The following DNAH5 variants were observed in gnomAD, a reference collection of about 807,000 sequenced individuals.
DNAH5 encodes dynein axonemal heavy chain 5.
Under a neutral mutation model 518.2 loss-of-function variants are expected in DNAH5, and 372 were observed. The observed-to-expected ratio is 0.72, with a 90% CI of 0.66 to 0.78. The LOEUF (loss-of-function observed/expected upper bound fraction) is 0.78. DNAH5 is among the 30% of genes least tolerant of loss of function. The pLI is 0.00. For synonymous variants in DNAH5, 2,039 were observed against 2,025.9 expected, an observed-to-expected ratio of 1.01 and a Z score of -0.17; for missense variants, 5,523 against 5,687.0, an observed-to-expected ratio of 0.97 and a Z score of 0.93.
intron 56 of DNAH5, 35 bp downstream of exon 56, chr5:13,770,714 T>C: frequency 6.3e-7 from 1 of 1,593,326 alleles, no homozygotes; most frequent in South Asian, 1.1e-5. Flanking sequence ...GAGCCACGGC[T>C]TTAATATAGC....
chr5:13,846,591 C>T (rs1346057476), intron 31 of DNAH5, among the ~76,000 whole-genome samples: 2 of 152,014 alleles, frequency 1.3e-5, no homozygotes, highest in Non-Finnish European at 2.9e-5. Context: ...CAAAGGAGGG[C>T]ACTCATTGAG....
At chr5:13,817,239 T>C (rs982862576) in intron 42 of DNAH5, among the ~76,000 whole-genome samples, 3 of 152,264 alleles carry the variant, frequency 2.0e-5, no homozygotes, top group African/African-American at 7.2e-5. Context: ...AAAATAGTTA[T>C]GGTAAAATCA....
chr5:13,769,484 T>C lies in DNAH5; in HGVS notation c.9720+17A>G, dbSNP rs748846414. ...GAATTCAAAAGGAATGTGGCACATGTGTAAATGCCCACCCACCATGTCGGC... is the reference window on the plus strand; with the variant it reads ...GAATTCAAAAGGAATGTGGCACATGCGTAAATGCCCACCCACCATGTCGGC... On this transcript the variant is annotated intron_variant, in intron 57 of 78. Transcript: ENST00000265104. The C allele has an allele frequency of 3.7e-6, 6 of 1,600,760 alleles. No homozygotes were observed. Among genetic ancestry groups the C allele is most frequent in the Non-Finnish European group, 2.6e-6 (3 of 1,167,792 alleles).
At position 13,885,180 on chromosome 5, in the gene DNAH5, G is replaced by A; in HGVS notation, c.2792C>T (p.Ala931Val). 6.2e-7 allele frequency: 1 copy of A among 1,614,118 alleles called. No homozygotes were observed. Among genetic ancestry groups the A allele is most frequent in the Non-Finnish European group, 8.5e-7 (1 of 1,179,970 alleles). Residue 931 changes from alanine to valine, a missense_variant, in exon 19 of 79, where the codon GCC (alanine) becomes GTC (valine). Physicochemically the swap from Ala to Val is moderately conservative, Grantham distance 64. This residue lies in a region of DNAH5 where 5,121 missense variants were observed against 5,223.3 expected (regional missense o/e 0.98). Coordinates refer to ENST00000265104, the MANE Select transcript of DNAH5 (RefSeq NM_001369.3). Reference sequence around the variant, plus strand: ...CGTCAAAAGCAGGGCATTGGCCCTGGCATTAATAGATGATGTCAAGGTGTC... The same window carrying A: ...CGTCAAAAGCAGGGCATTGGCCCTGACATTAATAGATGATGTCAAGGTGTC... ...NFDTLTSSIN[A>V]RANALLLTTV... is the part of the protein sequence containing the mutation.
chr5:13,864,392 T>G lies in DNAH5; in HGVS notation c.4596+5A>C, dbSNP rs182677317. The G allele has an allele frequency of 1.8e-4, 294 of 1,613,738 alleles. No homozygotes were observed. In the East Asian group the frequency reaches 5.9e-3, roughly 33 times the overall value. On this transcript the variant is annotated splice_donor_5th_base_variant and intron_variant, in intron 28 of 78. Coordinates refer to ENST00000265104, the MANE Select transcript of DNAH5 (RefSeq NM_001369.3). Reference sequence around the variant, plus strand: ...CTTGCAATCTTCCATCACATCATACTCTACCTCTATTTCCTCTTTATATTT... The same window carrying G: ...CTTGCAATCTTCCATCACATCATACGCTACCTCTATTTCCTCTTTATATTT...
chr5:13,996,490 T>C (rs747706376), intron 1 of DNAH5, among the ~76,000 whole-genome samples: 1 of 152,196 alleles, frequency 6.6e-6, no homozygotes. Context: ...TGTGAACCTA[T>C]GAAATCAAGG....
chr5:13,698,284 C>CATGCATGTGT (rs552281614), intron 78 of DNAH5, among the ~76,000 whole-genome samples: 111 of 152,278 alleles, frequency 7.3e-4, no homozygotes, highest in African/African-American at 2.6e-3. Flanking sequence ...ACTAAGACAC[C>CATGCATGTGT]ATGCATGTGT....
At chr5:13,973,027 T>A (rs1433801791) in intron 1 of DNAH5, among the ~76,000 whole-genome samples, 1 of 152,314 alleles carries the variant, frequency 6.6e-6, no homozygotes, top group Non-Finnish European at 1.5e-5. Flanking sequence ...AACAGGGGCT[T>A]AGCAGATGTG....
At chr5:13,736,312 C>T (rs1237323206) in intron 66 of DNAH5, among the ~76,000 whole-genome samples, 3 of 152,168 alleles carry the variant, frequency 2.0e-5, no homozygotes, top group Middle Eastern at 3.2e-3. Flanking sequence ...AGAAGCCATG[C>T]CTAACCTGGG....
Position 13,855,490 on chromosome 5 carries a change from G to A in DNAH5, c.4950+3962C>T, listed in dbSNP as rs1215954084. ...CCCAAAGTGCTGGGATTACAGGCGT[G>A]AGCCACCGCGCCCGGCCATAAATCT... is the stretch of plus-strand genomic sequence containing the variant. On this transcript the variant is annotated intron_variant, in intron 30 of 78. Transcript: ENST00000265104. Among the ~76,000 whole-genome samples, 3 of 48,228 alleles carry A rather than the reference G, an allele frequency of 6.2e-5. 1 individual carries two copies. Among genetic ancestry groups the A allele is most frequent in the Non-Finnish European group, 1.1e-4 (2 of 18,974 alleles). The allele number at this position is 48,228 out of a possible 152,430, so 31.6% of individuals were successfully genotyped here. A position where few individuals can be genotyped will look rare whatever the true frequency, so the allele number is the denominator to read the frequency against.
intron 35 of DNAH5, among the ~76,000 whole-genome samples, chr5:13,833,443 A>C (rs536081130): frequency 6.4e-4 from 32 of 49,914 alleles, no homozygotes; most frequent in African/African-American, 2.2e-3. Flanking sequence ...ACTCCTTCCC[A>C]AAAAAAAAAA....
intron 52 of DNAH5, among the ~76,000 whole-genome samples, chr5:13,781,617 G>T (rs145032920): frequency 1.3e-5 from 2 of 151,918 alleles, no homozygotes; most frequent in Non-Finnish European, 2.9e-5. Flanking sequence ...TTTTATCAGG[G>T]GTTTTCGCTT....
rs1266704376 is a variant in DNAH5 at position 13,920,474 on chromosome 5, A to C, written c.798+6T>G. 3 of 1,614,104 alleles carry C rather than the reference A, an allele frequency of 1.9e-6. No individual in the cohort carries two copies. Among genetic ancestry groups the C allele is most frequent in the African/African-American group, 2.7e-5 (2 of 75,032 alleles). On this transcript the variant is annotated splice_donor_region_variant and intron_variant, in intron 6 of 78. Coordinates refer to ENST00000265104, the MANE Select transcript of DNAH5 (RefSeq NM_001369.3). ...CTGAAATTGATGTTTGGTTTCTCAA[A>C]ATTACCTGTTCTGTCTGTTTGATCC...
At chr5:13,759,912 C>CA (rs35169158) in intron 60 of DNAH5, among the ~76,000 whole-genome samples, 47,179 of 151,984 alleles carry the variant, frequency 0.31, 7,853 homozygotes, top group South Asian at 0.44. Flanking sequence ...TTTCCTATCT[C>CA]AAAACTTCAG....
intron 78 of DNAH5, among the ~76,000 whole-genome samples, chr5:13,693,480 G>A (rs185461243): frequency 4.6e-5 from 7 of 152,256 alleles, no homozygotes; most frequent in Non-Finnish European, 1.0e-4. Flanking sequence ...GAAGTGAAAC[G>A]TTTGAATACA....
intron 65 of DNAH5, among the ~76,000 whole-genome samples, chr5:13,746,995 C>T (rs935052742): frequency 6.6e-6 from 1 of 151,992 alleles, no homozygotes; most frequent in African/African-American, 2.4e-5. Flanking sequence ...CCCATTAACT[C>T]GTCATTTACA....
chr5:13,725,472 C>T (rs563672663), intron 70 of DNAH5, among the ~76,000 whole-genome samples: 2 of 152,328 alleles, frequency 1.3e-5, no homozygotes, highest in Admixed American at 1.3e-4. Context: ...GGTTTCTGCA[C>T]AGCCTGCCAG....
chr5:13,901,702 T>G, intron 13 of DNAH5, 129 bp from the exon 14 acceptor site: 1 of 640,268 alleles, frequency 1.6e-6, no homozygotes, highest in Non-Finnish European at 2.5e-6. Context: ...GAATGAGATA[T>G]TTACATGGAA....
At chr5:13,981,964 C>T (rs576313128) in intron 1 of DNAH5, among the ~76,000 whole-genome samples, 17 of 152,298 alleles carry the variant, frequency 1.1e-4, no homozygotes, top group African/African-American at 3.4e-4. Context: ...CTTGTCAGCA[C>T]GATTCGGTGA....
Sources: allele counts gnomAD v4.1 joint callset (sites outside exome capture counted in the v4.1 genomes callset), GRCh38; gene constraint gnomAD v4.1.1; regional missense constraint gnomAD v4.1.1; transcripts MANE v1.5; gene names NCBI Gene and HGNC (gene_info 2026-07-23, HGNC 2026-07-21).